Variants in EIF4G3 observed in about 807,000 individuals in gnomAD.
EIF4G3 encodes eIF-4-gamma 3.
Under a neutral mutation model 186.4 loss-of-function variants are expected in EIF4G3, and 34 were observed. That is an observed-to-expected ratio of 0.18 (90% CI 0.14 to 0.24). The LOEUF is 0.24. Among genes scored for constraint, EIF4G3 ranks in the 10% least tolerant of loss-of-function variants. The pLI, the probability that EIF4G3 is intolerant of heterozygous loss-of-function variation, is 1.00. For synonymous variants in EIF4G3, 673 were observed against 679.5 expected (o/e 0.99, Z 0.15); for missense variants, 1,536 against 1,948.5 (o/e 0.79, Z 3.99).
At chr1:20,984,134 C>T (rs1030710450) in intron 7 of EIF4G3, among the ~76,000 whole-genome samples, 1 of 152,070 alleles carries the variant, frequency 6.6e-6, no homozygotes, top group East Asian at 1.9e-4. Context: ...AAAAAAGCCA[C>T]TAAATATGTA....
intron 31 of EIF4G3, among the ~76,000 whole-genome samples, chr1:20,828,073 G>A (rs1019336834): frequency 5.1e-5 from 7 of 136,330 alleles, no homozygotes; most frequent in African/African-American, 1.7e-4. Flanking sequence ...TCACTCTGTC[G>A]CCAGGCTGGA....
At chr1:20,937,238 G>A (rs956181103) in intron 14 of EIF4G3, among the ~76,000 whole-genome samples, 20 of 152,300 alleles carry the variant, frequency 1.3e-4, no homozygotes, top group Middle Eastern at 3.4e-3. Context: ...GAGAAAGGAC[G>A]TTGTTTCAAC....
At chr1:20,992,309 T>C (rs2081301826) in intron 7 of EIF4G3, among the ~76,000 whole-genome samples, 1 of 151,358 alleles carries the variant, frequency 6.6e-6, no homozygotes, top group Admixed American at 6.6e-5. Flanking sequence ...ACTTTCCAAA[T>C]CTAATAAATT....
chr1:21,119,208 A>T (rs80041362), intron 2 of EIF4G3, among the ~76,000 whole-genome samples: 9,340 of 152,194 alleles, frequency 0.061, 586 homozygotes, highest in East Asian at 0.26. Flanking sequence ...CTACTTTAAG[A>T]ACTACTGAAT....
intron 2 of EIF4G3, among the ~76,000 whole-genome samples, chr1:21,130,309 C>T (rs2097130849): frequency 6.7e-6 from 1 of 148,424 alleles, no homozygotes; most frequent in African/African-American, 2.5e-5. Context: ...ACTGCAACCT[C>T]TGCCCCCGGG....
chr1:20,941,286 T>A, intron 14 of EIF4G3: 3 of 1,552,046 alleles, frequency 1.9e-6, no homozygotes, highest in Non-Finnish European at 2.6e-6. Context: ...TATTTGGAAA[T>A]TCTCATTTGC....
rs1248347451 is a variant in EIF4G3 at position 20,956,631 on chromosome 1, A to AAAT, written c.715-6521_715-6520insATT. ...AGTATAATTTACAAAAAAAAAAAAA[A>AAAT]AAAAAACAAGGAGAGCACATCAAAC... is the stretch of plus-strand genomic sequence containing the variant. On this transcript the variant is annotated intron_variant, in intron 12 of 36. Coordinates refer to ENST00000602326, the MANE Select transcript of EIF4G3 (RefSeq NM_001391906.1). Among the ~76,000 whole-genome samples, 4 of 151,874 alleles carry AAAT rather than the reference A, an allele frequency of 2.6e-5. No homozygotes were observed. The East Asian group carries it at 7.8e-4, about 29-fold the overall frequency.
chr1:21,069,845 CG>C (rs1332156707), intron 3 of EIF4G3, among the ~76,000 whole-genome samples: 4 of 151,794 alleles, frequency 2.6e-5, no homozygotes, highest in African/African-American at 9.7e-5. Flanking sequence ...TGAGGTTTGT[CG>C]AAAGAAAAGA....
intron 2 of EIF4G3, among the ~76,000 whole-genome samples, chr1:21,150,891 G>A (rs1359675506): frequency 2.0e-5 from 3 of 152,162 alleles, no homozygotes; most frequent in Admixed American, 6.5e-5. Context: ...CAGAAGAATC[G>A]CTTAAACTCA....
chr1:20,970,124 C>A (rs532933502), intron 11 of EIF4G3, among the ~76,000 whole-genome samples: 2 of 151,844 alleles, frequency 1.3e-5, no homozygotes, highest in Non-Finnish European at 2.9e-5. Flanking sequence ...CGGTACCTGG[C>A]GTAGAATAAA....
intron 6 of EIF4G3, among the ~76,000 whole-genome samples, chr1:20,998,570 A>G (rs1487497325): frequency 6.6e-6 from 1 of 152,170 alleles, no homozygotes; most frequent in Non-Finnish European, 1.5e-5. Context: ...TTTTTCACCT[A>G]TGCAAATTTT....
intron 13 of EIF4G3, among the ~76,000 whole-genome samples, chr1:20,947,462 GAAAACAGTAATATTTTAGCTATCGGC>G (rs1400595763): frequency 1.3e-5 from 2 of 151,104 alleles, no homozygotes; most frequent in African/African-American, 4.9e-5. Context: ...AAAAAACTCT[GAAAACAGTAATATTTTAGCTATCGGC>G]AGGCTATGGA....
At chr1:20,907,724 C>T (rs1016313877) in intron 14 of EIF4G3, among the ~76,000 whole-genome samples, 2 of 152,040 alleles carry the variant, frequency 1.3e-5, no homozygotes, top group Non-Finnish European at 2.9e-5. Context: ...GACATGAACT[C>T]ATCATTTTTT....
chr1:21,042,478 T>C (rs1200426745), intron 4 of EIF4G3, among the ~76,000 whole-genome samples: 1 of 152,166 alleles, frequency 6.6e-6, no homozygotes, highest in Non-Finnish European at 1.5e-5. Flanking sequence ...AAATTCACAG[T>C]TCTTAGTTCT....
At position 20,941,523 on chromosome 1, in the gene EIF4G3, T is replaced by C; in HGVS notation, c.1631A>G (p.Gln544Arg). 6.2e-7 allele frequency: 1 copy of C among 1,611,150 alleles called. No homozygotes were observed. The highest frequency in any genetic ancestry group is 1.1e-5 in the South Asian group (1 of 90,554). Residue 544 changes from glutamine (Q) to arginine (R), a missense_variant, in exon 14 of 37, where the codon CAA (glutamine) becomes CGA (arginine). Gln to Arg is a conservative substitution (Grantham distance 43). Transcript: ENST00000602326. ...AGGGCTCCTTCTTGAATTTAAGTTT[T>C]GAGAATCCAAAATCTCTTCTGTTTG... is the stretch of plus-strand genomic sequence containing the variant. ...DGQTEEILDS[Q>R]NLNSRRSPVP...
At position 20,855,085 on chromosome 1, in the gene EIF4G3, G is replaced by GAC. The variant is rs987491243; in HGVS notation, c.3340-16_3340-15dup. On this transcript the variant is annotated splice_polypyrimidine_tract_variant and intron_variant, in intron 25 of 36. Coordinates refer to ENST00000602326, the MANE Select transcript of EIF4G3 (RefSeq NM_001391906.1). The stretch of plus-strand genomic sequence containing the variant: ...ATCAATTGTAGGCTGTAACATAAGG[G>GAC]ACCACAAGTCAATTATAGGAAATAT... 1 of 1,567,370 alleles carries GAC rather than the reference G, an allele frequency of 6.4e-7. No homozygotes were observed. The highest frequency in any genetic ancestry group is 1.4e-5 in the African/African-American group (1 of 73,458).
chr1:21,010,427 AAAAAAAAAAAGAAAAAGAAAAAG>A (rs1362390582), intron 4 of EIF4G3, among the ~76,000 whole-genome samples: 2 of 150,168 alleles, frequency 1.3e-5, no homozygotes, highest in Admixed American at 6.6e-5. Context: ...CTCAAAAAAA[AAAAAAAAAAAGAAAAAGAAAAAG>A]AAAGAAAAAG....
chr1:21,067,922 A>C (rs948400851), intron 3 of EIF4G3, among the ~76,000 whole-genome samples: 1 of 151,990 alleles, frequency 6.6e-6, no homozygotes, highest in Non-Finnish European at 1.5e-5. Context: ...TCTCAAAAAA[A>C]ATAAATAAAT....
intron 4 of EIF4G3, among the ~76,000 whole-genome samples, chr1:21,030,445 G>T (rs1026449727): frequency 6.6e-6 from 1 of 152,182 alleles, no homozygotes; most frequent in Non-Finnish European, 1.5e-5. Flanking sequence ...CATGTAAGAT[G>T]TGACTTGCTC....
Sources: gnomAD v4.1 joint callset for allele counts (sites outside exome capture counted in the v4.1 genomes callset) on GRCh38, gnomAD v4.1.1 for gene constraint, MANE v1.5 for transcripts, NCBI Gene and HGNC (gene_info 2026-07-23, HGNC 2026-07-21) for gene names.